The following ZFAND6 variants were observed in gnomAD, a reference collection of about 807,000 sequenced individuals.
ZFAND6 encodes AN1-type zinc finger protein 6.
In ZFAND6, 12 loss-of-function variants were observed where a neutral mutation model predicts 24.5. The ratio of observed to expected loss-of-function variants is 0.49; its 90% CI spans 0.31 to 0.79. The LOEUF is 0.79. Ranked by LOEUF, ZFAND6 falls within the 30% of genes least tolerant of loss-of-function variation. The probability of loss-of-function intolerance (pLI) is 0.04; values close to 1 mark genes in which losing one functional copy is unlikely to be tolerated. For synonymous variants in ZFAND6, 92 were observed against 81.5 expected, an observed-to-expected ratio of 1.13 and a Z score of -0.69; for missense variants, 207 against 245.9, an observed-to-expected ratio of 0.84 and a Z score of 1.06.
At chr15:80,079,547 T>G (rs2037516478) in intron 1 of ZFAND6, among the ~76,000 whole-genome samples, 1 of 151,890 alleles carries the variant, frequency 6.6e-6, no homozygotes, top group Non-Finnish European at 1.5e-5. Context: ...TGCTGTTCTT[T>G]TGGTATACAT....
chr15:80,107,437 T>A (rs763515338), intron 2 of ZFAND6, among the ~76,000 whole-genome samples: 1 of 152,238 alleles, frequency 6.6e-6, no homozygotes, highest in Non-Finnish European at 1.5e-5. Flanking sequence ...CTTGATGGCA[T>A]GTTAAAGCTC....
chr15:80,118,519 A>C (rs151214355), intron 2 of ZFAND6, among the ~76,000 whole-genome samples: 2 of 152,110 alleles, frequency 1.3e-5, no homozygotes, highest in Non-Finnish European at 2.9e-5. Context: ...TGACATTAGC[A>C]TTTCTATACT....
At chr15:80,068,587 G>C (rs1440358594) in intron 1 of ZFAND6, among the ~76,000 whole-genome samples, 1 of 152,194 alleles carries the variant, frequency 6.6e-6, no homozygotes, top group Non-Finnish European at 1.5e-5. Flanking sequence ...GGCCAGGCTG[G>C]TCTCGAACAC....
chr15:80,066,153 AAT>A (rs1180163042), intron 1 of ZFAND6, among the ~76,000 whole-genome samples: 1 of 152,178 alleles, frequency 6.6e-6, no homozygotes, highest in Non-Finnish European at 1.5e-5. Flanking sequence ...CAAACCAACG[AAT>A]AAAGAATTTT....
chr15:80,095,255 T>C (rs2038649588), intron 1 of ZFAND6, among the ~76,000 whole-genome samples: 1 of 152,200 alleles, frequency 6.6e-6, no homozygotes, highest in Admixed American at 6.5e-5. Flanking sequence ...TTAATTTGAG[T>C]GTATCTAATG....
intron 1 of ZFAND6, among the ~76,000 whole-genome samples, chr15:80,084,473 C>T (rs2037871498): frequency 6.6e-6 from 1 of 152,116 alleles, no homozygotes; most frequent in Non-Finnish European, 1.5e-5. Flanking sequence ...ATAACTGAGG[C>T]CTAACTGGCC....
intron 1 of ZFAND6, among the ~76,000 whole-genome samples, chr15:80,076,503 C>T (rs532647526): frequency 1.3e-5 from 2 of 152,114 alleles, no homozygotes; most frequent in Admixed American, 6.5e-5. Flanking sequence ...CTTTACTGTG[C>T]GGTCATATCT....
At chr15:80,125,340 A>C (rs1343556193) in intron 5 of ZFAND6, among the ~76,000 whole-genome samples, 1 of 152,188 alleles carries the variant, frequency 6.6e-6, no homozygotes, top group Non-Finnish European at 1.5e-5. Flanking sequence ...CCTCAAGGGA[A>C]ATTTATATAG....
intron 1 of ZFAND6, among the ~76,000 whole-genome samples, chr15:80,065,692 G>A (rs2036594175): frequency 6.6e-6 from 1 of 151,514 alleles, no homozygotes; most frequent in African/African-American, 2.4e-5. Context: ...TTACAGGGGT[G>A]TGCCACCACA....
chr15:80,109,663 G>A (rs1418834485), intron 2 of ZFAND6, among the ~76,000 whole-genome samples: 1 of 152,204 alleles, frequency 6.6e-6, no homozygotes, highest in Non-Finnish European at 1.5e-5. Context: ...CGCTTTGTAA[G>A]TTGGGAAGCC....
At chr15:80,084,515 A>G (rs1237111646) in intron 1 of ZFAND6, among the ~76,000 whole-genome samples, 1 of 152,258 alleles carries the variant, frequency 6.6e-6, no homozygotes, top group Non-Finnish European at 1.5e-5. Flanking sequence ...CCTAAACCAG[A>G]TGTAATGGCA....
At chr15:80,066,837 C>T (rs2036670801) in intron 1 of ZFAND6, among the ~76,000 whole-genome samples, 2 of 149,082 alleles carry the variant, frequency 1.3e-5, no homozygotes, top group Admixed American at 6.7e-5. Flanking sequence ...GCGGAGGTTG[C>T]AGTGAGCCGA....
At chr15:80,077,329 A>C (rs75353131) in intron 1 of ZFAND6, among the ~76,000 whole-genome samples, 5,195 of 152,326 alleles carry the variant, frequency 0.034, 282 homozygotes, top group East Asian at 0.22. Context: ...AAGTTAAATA[A>C]TGCAGACAAC....
Position 80,099,618 on chromosome 15 carries a change from C to CTTTTTTTTTT in ZFAND6, c.-18+1047_-18+1056dup, listed in dbSNP as rs3082079. Among the ~76,000 whole-genome samples the CTTTTTTTTTT allele has an allele frequency of 4.8e-3, 524 of 109,102 alleles. 39 individuals carry two copies. The highest frequency in any genetic ancestry group is 8.2e-3 in the African/African-American group (248 of 30,100). The allele number at this position is 109,102 out of a possible 152,430, so 71.6% of individuals were successfully genotyped here. On this transcript the variant is annotated intron_variant, in intron 2 of 6. Transcript: ENST00000261749. ...AGAATACACACTGAATATGGATATCCTTTTTTTTTTTTTTTTCGAGACGGA... is the reference window on the plus strand; with the variant it reads ...AGAATACACACTGAATATGGATATCCTTTTTTTTTTTTTTTTTTTTTTTTTTCGAGACGGA...
At chr15:80,130,862 G>C (rs2040568187) in intron 5 of ZFAND6, 1 of 255,398 alleles carries the variant, frequency 3.9e-6, no homozygotes, top group Non-Finnish European at 7.4e-6. Flanking sequence ...TATTCAAGTA[G>C]TATTTGTTTA....
At chr15:80,093,919 CTT>C (rs1179735052) in intron 1 of ZFAND6, among the ~76,000 whole-genome samples, 2 of 152,120 alleles carry the variant, frequency 1.3e-5, no homozygotes, top group African/African-American at 4.8e-5. Context: ...ATTCACCTGA[CTT>C]AGATCTGTGA....
At chr15:80,060,579 C>T (rs1407802117) in intron 1 of ZFAND6, 1 of 152,004 alleles carries the variant, frequency 6.6e-6, no homozygotes, top group African/African-American at 2.4e-5. Context: ...GAAGTTAGGA[C>T]CTTGGGGTTA....
intron 1 of ZFAND6, among the ~76,000 whole-genome samples, chr15:80,064,663 C>T (rs2036518027): frequency 6.6e-6 from 1 of 151,980 alleles, no homozygotes; most frequent in Admixed American, 6.6e-5. Context: ...TTTTTTGAGA[C>T]ACGGTCTTGC....
chr15:80,062,627 A>G (rs2036396425), intron 1 of ZFAND6, among the ~76,000 whole-genome samples: 1 of 152,128 alleles, frequency 6.6e-6, no homozygotes, highest in Non-Finnish European at 1.5e-5. Flanking sequence ...CATTTTTTCT[A>G]TATGTAGCTT....
Sources: allele counts gnomAD v4.1 joint callset (sites outside exome capture counted in the v4.1 genomes callset), GRCh38; gene constraint gnomAD v4.1.1; transcripts MANE v1.5; gene names NCBI Gene and HGNC (gene_info 2026-07-23, HGNC 2026-07-21).